The following INTS7 variants were observed in gnomAD, a reference collection of about 807,000 sequenced individuals.
The protein encoded by INTS7 is integrator complex subunit 7.
Under a neutral mutation model 109.2 loss-of-function variants are expected in INTS7, and 46 were observed. That is an observed-to-expected ratio of 0.42 (90% CI 0.33 to 0.54). The LOEUF (loss-of-function observed/expected upper bound fraction) is 0.54. INTS7 is among the 20% of genes least tolerant of loss of function. The probability of loss-of-function intolerance (pLI) is 0.07; values close to 1 mark genes in which losing one functional copy is unlikely to be tolerated. For synonymous variants in INTS7, 412 were observed against 402.9 expected, an observed-to-expected ratio of 1.02 and a Z score of -0.27; for missense variants, 929 against 1,132.4, an observed-to-expected ratio of 0.82 and a Z score of 2.58.
At chr1:211,955,368 C>A (rs1027726494) in intron 16 of INTS7, among the ~76,000 whole-genome samples, 16 of 152,118 alleles carry the variant, frequency 1.1e-4, no homozygotes, top group Non-Finnish European at 1.9e-4. Flanking sequence ...CTCTTTTCCT[C>A]ATTGAATACC....
intron 1 of INTS7, among the ~76,000 whole-genome samples, chr1:212,024,350 T>G (rs1300656562): frequency 1.3e-5 from 2 of 152,188 alleles, no homozygotes; most frequent in Non-Finnish European, 1.5e-5. Context: ...ATGGAATGTT[T>G]TTCCATTTGT....
At chr1:211,967,413 C>T (rs897298494) in intron 15 of INTS7, among the ~76,000 whole-genome samples, 1 of 139,312 alleles carries the variant, frequency 7.2e-6, no homozygotes, top group Admixed American at 7.8e-5. Context: ...GATCATGCCA[C>T]TGCACTCCAG....
chr1:212,025,056 T>C (rs1666859624), intron 1 of INTS7, among the ~76,000 whole-genome samples: 1 of 152,216 alleles, frequency 6.6e-6, no homozygotes, highest in African/African-American at 2.4e-5. Flanking sequence ...CTATCAAACG[T>C]GTTCCCTGTG....
At chr1:211,972,676 T>C (rs1664232102) in intron 13 of INTS7, among the ~76,000 whole-genome samples, 1 of 152,172 alleles carries the variant, frequency 6.6e-6, no homozygotes. Context: ...CCCTAATGAA[T>C]TGACTTTATA....
At chr1:212,019,556 G>C (rs1381774702) in intron 3 of INTS7, among the ~76,000 whole-genome samples, 1 of 152,104 alleles carries the variant, frequency 6.6e-6, no homozygotes, top group Admixed American at 6.6e-5. Flanking sequence ...AAAAGTTATA[G>C]ATATGATACT....
At chr1:211,996,749 G>C (rs977187485) in intron 7 of INTS7, among the ~76,000 whole-genome samples, 2 of 152,150 alleles carry the variant, frequency 1.3e-5, no homozygotes, top group East Asian at 3.9e-4. Context: ...ATATGGCCTG[G>C]CGCAGTGGTA....
chr1:212,033,903 T>A (rs1464448366), intron 1 of INTS7, among the ~76,000 whole-genome samples: 12 of 151,906 alleles, frequency 7.9e-5, no homozygotes, highest in Non-Finnish European at 1.2e-4. Context: ...GCCAACATGG[T>A]GAAACCCCGT....
At chr1:212,024,324 C>A (rs979529630) in intron 1 of INTS7, among the ~76,000 whole-genome samples, 3 of 151,924 alleles carry the variant, frequency 2.0e-5, no homozygotes, top group Admixed American at 1.3e-4. Flanking sequence ...GATATTGATT[C>A]TTCCAATCCA....
At chr1:211,996,448 T>G (rs112252484) in intron 7 of INTS7, among the ~76,000 whole-genome samples, 1 of 151,266 alleles carries the variant, frequency 6.6e-6, no homozygotes, top group Non-Finnish European at 1.5e-5. Context: ...AAAAAAAAAA[T>G]GTCTTCTTTT....
chr1:211,972,313 T>C (rs1195269096), intron 13 of INTS7, among the ~76,000 whole-genome samples: 2 of 152,190 alleles, frequency 1.3e-5, no homozygotes, highest in Admixed American at 6.5e-5. Flanking sequence ...GTTCCTCTGA[T>C]TCAAGTTCCC....
chr1:211,994,711 G>A (rs1665300857), intron 7 of INTS7, among the ~76,000 whole-genome samples: 1 of 150,684 alleles, frequency 6.6e-6, no homozygotes, highest in African/African-American at 2.4e-5. Flanking sequence ...GGGATTACAG[G>A]CATGAGCTAC....
chr1:211,953,631 ATGAG>A lies in INTS7; in HGVS notation c.2184-934_2184-931del, dbSNP rs1315567524. Among the ~76,000 whole-genome samples the A allele has an allele frequency of 8.3e-5, 12 of 144,840 alleles. No individual in the cohort carries two copies. The East Asian group carries it at 2.3e-3, about 28-fold the overall frequency. ...TGTTCTCATTGTTCAACTCCCACCT[ATGAG>A]TGAGAACATGCGGTGTTTGGTTTTT... On this transcript the variant is annotated intron_variant, in intron 16 of 19. Transcript: ENST00000366994.
intron 16 of INTS7, among the ~76,000 whole-genome samples, chr1:211,953,226 G>C (rs142292077): frequency 6.6e-6 from 1 of 152,260 alleles, no homozygotes; most frequent in African/African-American, 2.4e-5. Context: ...CTAAAGCATG[G>C]AGATGAAACG....
chr1:212,004,073 G>A (rs1020501097), intron 7 of INTS7, among the ~76,000 whole-genome samples: 10 of 152,186 alleles, frequency 6.6e-5, no homozygotes, highest in Non-Finnish European at 1.0e-4. Flanking sequence ...GTCCAGGCAC[G>A]GTGGCTCACA....
chr1:211,965,105 C>T (rs143537367), intron 16 of INTS7, among the ~76,000 whole-genome samples: 193 of 149,780 alleles, frequency 1.3e-3, no homozygotes, highest in African/African-American at 4.6e-3. Context: ...GAATTATTTA[C>T]AAGAAAAAAA....
At chr1:211,968,437 TTTTACAAC>T (rs773751864) in intron 14 of INTS7, 68 bp downstream of exon 14, 21 of 1,262,258 alleles carry the variant, frequency 1.7e-5, no homozygotes, top group Non-Finnish European at 2.2e-5. Context: ...TGATTTTATA[TTTTACAAC>T]TTTTCATCTT....
At chr1:211,957,593 T>TA (rs1157007796) in intron 16 of INTS7, among the ~76,000 whole-genome samples, 8 of 152,178 alleles carry the variant, frequency 5.3e-5, no homozygotes, top group African/African-American at 1.9e-4. Context: ...GCGTTCTTAA[T>TA]AAAGCAATGT....
At chr1:212,025,352 G>A (rs1220383750) in intron 1 of INTS7, among the ~76,000 whole-genome samples, 2 of 151,974 alleles carry the variant, frequency 1.3e-5, no homozygotes, top group Non-Finnish European at 2.9e-5. Flanking sequence ...ACTGCACAGG[G>A]GCATGAGGAA....
chr1:212,022,187 G>A (rs1255199912), intron 1 of INTS7, among the ~76,000 whole-genome samples: 1 of 152,190 alleles, frequency 6.6e-6, no homozygotes, highest in Non-Finnish European at 1.5e-5. Context: ...AGACCTCAGT[G>A]TAAGAGCTAA....
Sources: allele counts gnomAD v4.1 joint callset (sites outside exome capture counted in the v4.1 genomes callset), GRCh38; gene constraint gnomAD v4.1.1; transcripts MANE v1.5; gene names NCBI Gene and HGNC (gene_info 2026-07-23, HGNC 2026-07-21).